The following LRRC4C variants were observed in gnomAD, a reference collection of about 807,000 sequenced individuals.
The protein encoded by LRRC4C is leucine rich repeat containing 4C, also known as leucine-rich repeat-containing protein 4C.
Under a neutral mutation model 33.6 loss-of-function variants are expected in LRRC4C, and 5 were observed. The ratio of observed to expected loss-of-function variants is 0.15; its 90% confidence interval spans 0.08 to 0.31. LRRC4C has a LOEUF of 0.31. Ranked by LOEUF, LRRC4C falls within the 10% of genes least tolerant of loss-of-function variation. The probability of loss-of-function intolerance (pLI) is 1.00; values close to 1 mark genes in which losing one functional copy is unlikely to be tolerated. For synonymous variants in LRRC4C, 329 were observed against 302.0 expected (o/e 1.09, Z -0.93); for missense variants, 560 against 796.7 (o/e 0.70, Z 3.58).
chr11:41,109,193 C>T (rs1317286328), intron 1 of LRRC4C, among the ~76,000 whole-genome samples: 2 of 151,880 alleles, frequency 1.3e-5, no homozygotes, highest in African/African-American at 2.4e-5. Context: ...ATTTAGTTAC[C>T]CTGTACTTTT....
intron 5 of LRRC4C, among the ~76,000 whole-genome samples, chr11:40,168,613 A>G (rs1459223386): frequency 6.6e-6 from 1 of 152,202 alleles, no homozygotes; most frequent in African/African-American, 2.4e-5. Flanking sequence ...GTCCTGCTTT[A>G]TGAAGGGTCA....
chr11:40,961,792 G>A lies in LRRC4C; in HGVS notation c.-495-28069C>T, dbSNP rs374955842. On this transcript the variant is annotated intron_variant, in intron 1 of 6. Coordinates refer to ENST00000528697, the MANE Select transcript of LRRC4C (RefSeq NM_001258419.2). ...AAATCTATAAGAACTTCCTCTAAACGCTTGTCTATTTTATTCATTTAATTT... is the reference window on the plus strand; with the variant it reads ...AAATCTATAAGAACTTCCTCTAAACACTTGTCTATTTTATTCATTTAATTT... 2.0e-5 allele frequency among the ~76,000 whole-genome samples: 3 copies of A among 151,442 alleles called. No individual in the cohort carries two copies. The South Asian group carries it at 6.2e-4, about 31-fold the overall frequency.
chr11:40,310,635 G>C (rs1198260991), intron 4 of LRRC4C, among the ~76,000 whole-genome samples: 2 of 152,126 alleles, frequency 1.3e-5, no homozygotes, highest in African/African-American at 2.4e-5. Context: ...GGCAGATACT[G>C]TGCTACACTC....
chr11:41,406,706 C>CCGCACA (rs1555166856), intron 1 of LRRC4C, among the ~76,000 whole-genome samples: 1 of 138,244 alleles, frequency 7.2e-6, no homozygotes, highest in East Asian at 2.1e-4. Flanking sequence ...TACACATTCA[C>CCGCACA]CACACACACA....
chr11:40,623,539 G>A (rs944616249), intron 3 of LRRC4C, among the ~76,000 whole-genome samples: 10 of 151,972 alleles, frequency 6.6e-5, no homozygotes, highest in Non-Finnish European at 1.3e-4. Flanking sequence ...GATCTATAAA[G>A]TAATATTACA....
intron 3 of LRRC4C, among the ~76,000 whole-genome samples, chr11:40,646,763 C>T (rs1171759031): frequency 1.3e-5 from 2 of 152,110 alleles, no homozygotes; most frequent in African/African-American, 2.4e-5. Context: ...CCCACCACCG[C>T]GCCCAGCTAA....
At chr11:40,841,836 A>G (rs559828616) in intron 2 of LRRC4C, among the ~76,000 whole-genome samples, 1 of 152,326 alleles carries the variant, frequency 6.6e-6, no homozygotes, top group African/African-American at 2.4e-5. Flanking sequence ...CATAGGAAAC[A>G]CTGATTTGGC....
chr11:41,407,785 G>A (rs1954299023), intron 1 of LRRC4C, among the ~76,000 whole-genome samples: 1 of 152,062 alleles, frequency 6.6e-6, no homozygotes, highest in African/African-American at 2.4e-5. Flanking sequence ...CTGTTTACTT[G>A]GCAGAGCACA....
At chr11:40,690,896 A>G (rs76447303) in intron 2 of LRRC4C, among the ~76,000 whole-genome samples, 9 of 152,102 alleles carry the variant, frequency 5.9e-5, no homozygotes, top group Non-Finnish European at 1.0e-4. Context: ...TAAAAGAAGA[A>G]AGGACTCCAG....
intron 3 of LRRC4C, among the ~76,000 whole-genome samples, chr11:40,396,648 A>C (rs879850873): frequency 6.6e-6 from 1 of 152,138 alleles, no homozygotes; most frequent in African/African-American, 2.4e-5. Flanking sequence ...TCTATTTTGC[A>C]TATCACAGCA....
intron 3 of LRRC4C, among the ~76,000 whole-genome samples, chr11:40,610,422 T>C (rs763551343): frequency 9.9e-5 from 15 of 151,798 alleles, no homozygotes; most frequent in Non-Finnish European, 2.1e-4. Context: ...TACTCAATAG[T>C]ATGAGGTGAA....
chr11:40,165,400 C>T (rs1026401436), intron 5 of LRRC4C, among the ~76,000 whole-genome samples: 6 of 151,906 alleles, frequency 3.9e-5, no homozygotes, highest in African/African-American at 9.7e-5. Flanking sequence ...TATGTTTATG[C>T]GTCTGTTTGT....
chr11:40,231,591 A>G (rs1315196999), intron 5 of LRRC4C, among the ~76,000 whole-genome samples: 1 of 152,220 alleles, frequency 6.6e-6, no homozygotes, highest in Non-Finnish European at 1.5e-5. Context: ...AATTCTCCCA[A>G]TAACCCTAAG....
At chr11:41,348,092 T>A (rs1951857535) in intron 1 of LRRC4C, among the ~76,000 whole-genome samples, 1 of 152,180 alleles carries the variant, frequency 6.6e-6, no homozygotes, top group Non-Finnish European at 1.5e-5. Flanking sequence ...ACTGTAACTC[T>A]TATCTCTCTT....
At chr11:41,231,005 A>G (rs1162162131) in intron 1 of LRRC4C, among the ~76,000 whole-genome samples, 2 of 152,154 alleles carry the variant, frequency 1.3e-5, no homozygotes, top group Admixed American at 6.5e-5. Flanking sequence ...CAACTGACAC[A>G]TGAAAAGATG....
intron 1 of LRRC4C, among the ~76,000 whole-genome samples, chr11:40,990,132 T>G (rs1028444169): frequency 3.3e-5 from 5 of 149,276 alleles, no homozygotes; most frequent in African/African-American, 1.2e-4. Flanking sequence ...TTCTAGCTAG[T>G]CCAAATCACA....
In LRRC4C at chr11:40,116,231, G is replaced by T; in HGVS notation, c.62C>A (p.Ala21Asp). ...CACCACAAGCAGGGGGTCAAATAGG[G>T]CCCTGTTAAACCTAGGACCTATCAT... is the stretch of plus-strand genomic sequence containing the variant. ...QIMIGPRFNR[A>D]LFDPLLVVLL... Residue 21 changes from alanine to aspartate, a missense_variant, in exon 7 of 7, where the codon GCC (alanine) becomes GAC (aspartate). Physicochemically the swap from Ala to Asp is moderately radical, Grantham distance 126. This residue lies in a region of LRRC4C where 455 missense variants were observed against 643.8 expected (regional missense o/e 0.71). Transcript: ENST00000528697. The T allele has an allele frequency of 6.2e-7, 1 of 1,614,032 alleles. No homozygotes were observed. The highest frequency in any genetic ancestry group is 8.5e-7 in the Non-Finnish European group (1 of 1,180,014).
intron 2 of LRRC4C, among the ~76,000 whole-genome samples, chr11:40,827,591 T>G (rs1344029465): frequency 6.6e-6 from 1 of 151,912 alleles, no homozygotes; most frequent in Non-Finnish European, 1.5e-5. Context: ...TATCAACATG[T>G]GAATTCTACC....
intron 3 of LRRC4C, among the ~76,000 whole-genome samples, chr11:40,408,700 T>A (rs1950047347): frequency 6.6e-6 from 1 of 151,914 alleles, no homozygotes; most frequent in Non-Finnish European, 1.5e-5. Flanking sequence ...AAGTAATATT[T>A]TGTGACACAT....
Sources: gnomAD v4.1 joint callset for allele counts (sites outside exome capture counted in the v4.1 genomes callset) on GRCh38, gnomAD v4.1.1 for gene constraint, gnomAD v4.1.1 regional missense constraint, MANE v1.5 for transcripts, NCBI Gene and HGNC (gene_info 2026-07-23, HGNC 2026-07-21) for gene names.